Variants in LEMD2 observed in about 807,000 individuals in gnomAD.
LEMD2 encodes the protein LEM domain-containing protein 2.
Under a neutral mutation model 58.8 loss-of-function variants are expected in LEMD2, and 34 were observed. That is an observed-to-expected ratio of 0.58 (90% CI 0.44 to 0.77). LEMD2 has a LOEUF of 0.77. Ranked by LOEUF, LEMD2 falls within the 30% of genes least tolerant of loss-of-function variation. The pLI is 0.00. For missense variants in LEMD2, 629 were observed against 717.9 expected (o/e 0.88, Z 1.42); for synonymous variants, 298 against 308.9 (o/e 0.96, Z 0.37).
At position 33,786,962 on chromosome 6, in the gene LEMD2, G is replaced by T. The variant is rs375181086; in HGVS notation, c.737-188C>A. 5.7e-5 allele frequency: 76 copies of T among 1,344,398 alleles called. 2 individuals are homozygous for T. In the South Asian group the frequency reaches 1.1e-3, roughly 19 times the overall value. 83.3% of individuals were successfully genotyped at this position (1,344,398 alleles called of 1,614,324 possible). A position where few individuals can be genotyped will look rare whatever the true frequency, so the allele number is the denominator to read the frequency against. ...AAAATGTAAGGGTATCCAAATCCTG[G>T]ATTAGGAATTACGATAGCTGGGTCC... On this transcript the variant is annotated intron_variant, in intron 1 of 8. Transcript: ENST00000293760.
Position 33,778,096 on chromosome 6 carries a change from G to C in LEMD2, c.1156+146C>G. 1 of 684,742 alleles carries C rather than the reference G, an allele frequency of 1.5e-6. No homozygotes were observed. The highest frequency in any genetic ancestry group is 2.2e-6 in the Non-Finnish European group (1 of 455,040). 42.4% of individuals were successfully genotyped at this position (684,742 alleles called of 1,614,324 possible). A position where few individuals can be genotyped will look rare whatever the true frequency, so the allele number is the denominator to read the frequency against. ...TACAACCCAGGGCAGAGGCTGACTT[G>C]TTCATCTCCTCTGTTTTATGAGACA... is the stretch of plus-strand genomic sequence containing the variant. On this transcript the variant is annotated intron_variant, in intron 6 of 8. Transcript: ENST00000293760. The surrounding 1 kb of genome is among the most constrained non-coding windows in gnomAD (Gnocchi z 4.7).
chr6:33,778,261 G>A lies in LEMD2; in HGVS notation c.1137C>T (p.Asn379=), dbSNP rs758030362. The change falls in exon 6 of 9, where the codon AAC becomes AAT. Residue 379 remains asparagine (N), a synonymous_variant. Transcript: ENST00000293760. The surrounding 1 kb of genome is among the most constrained non-coding windows in gnomAD (Gnocchi z 4.7). Reference sequence around the variant, plus strand: ...ACTTACACCAGAAGAAGATGAGCACGTTGGTGACAGCAGTGAGCAAGGCCC... The same window carrying A: ...ACTTACACCAGAAGAAGATGAGCACATTGGTGACAGCAGTGAGCAAGGCCC... The part of the protein sequence containing the change: ...LSRALLTAVT[N]VLIFFWCLAF... 1.7e-5 allele frequency: 27 copies of A among 1,602,218 alleles called. 1 individual carries two copies. Among genetic ancestry groups the A allele is most frequent in the Admixed American group, 5.1e-5 (3 of 58,324 alleles).
chr6:33,779,913 T>C, intron 5 of LEMD2, 187 bp downstream of exon 5: 2 of 586,348 alleles, frequency 3.4e-6, no homozygotes, highest in Non-Finnish European at 6.1e-6. Flanking sequence ...AGCTGCTCCT[T>C]ACACTGCATT....
At chr6:33,772,816 G>A (rs1767335623) in intron 8 of LEMD2, 38 bp from the exon 9 acceptor site, 3 of 1,585,618 alleles carry the variant, frequency 1.9e-6, no homozygotes, top group Non-Finnish European at 1.7e-6. Context: ...TGGCACTGCC[G>A]AGGTGAGCCA....
intron 1 of LEMD2, chr6:33,787,057 G>A: frequency 8.6e-6 from 4 of 463,280 alleles, no homozygotes; most frequent in Non-Finnish European, 1.5e-5. Flanking sequence ...CTGTCTCCTC[G>A]TCTGTAAAAC....
intron 6 of LEMD2, among the ~76,000 whole-genome samples, chr6:33,777,500 A>G (rs540465575): frequency 8.4e-4 from 128 of 152,152 alleles, no homozygotes; most frequent in African/African-American, 2.9e-3. Context: ...GCTCCTCCCA[A>G]CCTCATTCTG....
intron 8 of LEMD2, among the ~76,000 whole-genome samples, chr6:33,775,458 C>T (rs1390525287): frequency 6.6e-6 from 1 of 152,182 alleles, no homozygotes; most frequent in East Asian, 1.9e-4. Context: ...GCTGGGACTA[C>T]AGGCATGTGT....
chr6:33,781,141 C>T lies in LEMD2; in HGVS notation c.866G>A (p.Cys289Tyr). Residue 289 changes from cysteine to tyrosine, a missense_variant, in exon 4 of 9, where the codon TGT (cysteine) becomes TAT (tyrosine). This residue lies in a region of LEMD2 where 243 missense variants were observed against 336.8 expected (regional missense o/e 0.72). Transcript: ENST00000293760. ...FLAIQAGNFE[C>Y]GNPENLKSKC... ...GCTTTTTAGATTCTCTGGATTTCCA[C>T]ACTCAAAATTACCTAGGAGAAAAAA... is the stretch of plus-strand genomic sequence containing the variant. 1 of 1,607,438 alleles carries T rather than the reference C, an allele frequency of 6.2e-7. No individual in the cohort carries two copies. Among genetic ancestry groups the T allele is most frequent in the Non-Finnish European group, 8.5e-7 (1 of 1,175,886 alleles).
chr6:33,774,970 C>CTGAATGAATGAA (rs3067716), intron 8 of LEMD2, among the ~76,000 whole-genome samples: 46 of 151,532 alleles, frequency 3.0e-4, no homozygotes, highest in Admixed American at 1.4e-3. Flanking sequence ...TGTGGAGGAA[C>CTGAATGAATGAA]TGAATGAATG....
At chr6:33,777,105 C>T (rs2296747) in intron 7 of LEMD2, 33 bp downstream of exon 7, 8 of 1,610,708 alleles carry the variant, frequency 5.0e-6, no homozygotes, top group East Asian at 2.2e-5. Context: ...TGGCTGGCGT[C>T]GGCAACCCTT....
rs1767745209 is a variant in LEMD2 at position 33,788,691 on chromosome 6, G to A, written c.426C>T (p.Asp142=). Residue 142 remains aspartate (D), a synonymous_variant, in exon 1 of 9, where the codon GAC becomes GAT. Coordinates refer to ENST00000293760, the MANE Select transcript of LEMD2 (RefSeq NM_181336.4). ...CCCTGTCGGGCGTCCGGGCGTCCTC[G>A]TCCTCCTCGGAGCTGCCCCGGACCG... is the stretch of plus-strand genomic sequence containing the variant. ...RASVRGSSEE[D]EDARTPDRAT... 1 of 1,359,002 alleles carries A rather than the reference G, an allele frequency of 7.4e-7. No individual in the cohort carries two copies. The highest frequency in any genetic ancestry group is 3.3e-5 in the Admixed American group (1 of 30,420). The allele number at this position is 1,359,002 out of a possible 1,614,324, so 84.2% of individuals were successfully genotyped here.
At position 33,788,754 on chromosome 6, in the gene LEMD2, G is replaced by A. The variant is rs1767747660; in HGVS notation, c.363C>T (p.Ala121=). Reference sequence around the variant, plus strand: ...TGAGTTGCGCCGGGCGGGCAGGATAGGCGAGGCCGCGGCTCCCTACCCAGG... The same window carrying A: ...TGAGTTGCGCCGGGCGGGCAGGATAAGCGAGGCCGCGGCTCCCTACCCAGG... ...AASWVGSRGL[A]YPARPAQLRR... is the part of the protein sequence containing the mutation. Residue 121 remains alanine (A), a synonymous_variant, in exon 1 of 9, where the codon GCC becomes GCT. Transcript: ENST00000293760. 1 of 1,448,942 alleles carries A rather than the reference G, an allele frequency of 6.9e-7. No individual in the cohort carries two copies. The highest frequency in any genetic ancestry group is 9.1e-7 in the Non-Finnish European group (1 of 1,103,070). 89.8% of individuals were successfully genotyped at this position (1,448,942 alleles called of 1,614,324 possible). A position where few individuals can be genotyped will look rare whatever the true frequency, so the allele number is the denominator to read the frequency against.
chr6:33,780,333 C>A (rs1026163705), intron 4 of LEMD2, 154 bp from the exon 5 acceptor site: 9 of 700,748 alleles, frequency 1.3e-5, no homozygotes, highest in African/African-American at 7.0e-5. Context: ...GGAAGGAAAT[C>A]GGGGGTTGAT....
At chr6:33,783,770 C>G (rs1767614195) in intron 3 of LEMD2, among the ~76,000 whole-genome samples, 1 of 152,200 alleles carries the variant, frequency 6.6e-6, no homozygotes. Flanking sequence ...GCACTTGACT[C>G]TCATTTGTAG....
Position 33,778,512 on chromosome 6 carries a change from AGG to A in LEMD2, c.1011-127_1011-126del. The A allele has an allele frequency of 1.5e-6, 1 of 662,760 alleles. No individual in the cohort carries two copies. Among genetic ancestry groups the A allele is most frequent in the Non-Finnish European group, 2.4e-6 (1 of 424,558 alleles). The allele number at this position is 662,760 out of a possible 1,614,324, so 41.1% of individuals were successfully genotyped here. A position where few individuals can be genotyped will look rare whatever the true frequency, so the allele number is the denominator to read the frequency against. Reference sequence around the variant, plus strand: ...CAAGGCCTCTACTTGCTTATAGAATAGGCTTGGTATCCTGGCTGCATTCTTTC... The same window carrying A: ...CAAGGCCTCTACTTGCTTATAGAATACTTGGTATCCTGGCTGCATTCTTTC... On this transcript the variant is annotated intron_variant, in intron 5 of 8. Transcript: ENST00000293760. The surrounding 1 kb of genome is among the most constrained non-coding windows in gnomAD (Gnocchi z 4.7).
At chr6:33,782,282 T>C (rs977287110) in intron 3 of LEMD2, 9 of 152,338 alleles carry the variant, frequency 5.9e-5, no homozygotes, top group African/African-American at 1.9e-4. Context: ...TCTGCTTAAC[T>C]GTGCTACTCA....
At position 33,781,077 on chromosome 6, in the gene LEMD2, G is replaced by A. The variant is rs750918798; in HGVS notation, c.930C>T (p.Ala310=). ...TGTATAAGCACTGAAGCCTACTTAC[G>A]GCTATATATTCTTGGGCTTCCATAA... ...IPVMEAQEYI[A]NVTSSSSAKF... The change falls in exon 4 of 9, where the codon GCC becomes GCT. Residue 310 remains alanine (A), a splice_region_variant and synonymous_variant. Coordinates refer to ENST00000293760, the MANE Select transcript of LEMD2 (RefSeq NM_181336.4). 2.6e-5 allele frequency: 41 copies of A among 1,606,788 alleles called. No individual in the cohort carries two copies. The highest frequency in any genetic ancestry group is 5.5e-5 in the South Asian group (5 of 90,822).
intron 3 of LEMD2, chr6:33,781,783 G>C (rs1482193816): frequency 2.0e-5 from 3 of 152,428 alleles, no homozygotes; most frequent in Non-Finnish European, 4.4e-5. Context: ...TCAGCCCCTG[G>C]GGGCCTTTTG....
chr6:33,788,323 G>A (rs1767730814), intron 1 of LEMD2, 58 bp downstream of exon 1: 1 of 1,478,430 alleles, frequency 6.8e-7, no homozygotes, highest in African/African-American at 1.4e-5. Context: ...GGAACGGGGG[G>A]TCCTCCGGCG....
Sources: allele counts gnomAD v4.1 joint callset (sites outside exome capture counted in the v4.1 genomes callset), GRCh38; gene constraint gnomAD v4.1.1; regional missense constraint gnomAD v4.1.1; non-coding constraint Gnocchi (gnomAD v3.1); transcripts MANE v1.5; gene names NCBI Gene and HGNC (gene_info 2026-07-23, HGNC 2026-07-21).